The following CD226 variants were observed in gnomAD, a reference collection of about 807,000 sequenced individuals.
The protein encoded by CD226 is CD226 molecule, also known as CD226 antigen.
CD226 carries 24 observed loss-of-function variants against 34.9 expected under a neutral mutation model. That is an observed-to-expected ratio of 0.69 (90% CI 0.50 to 0.97). The LOEUF (loss-of-function observed/expected upper bound fraction) is 0.97, where lower values mean the gene tolerates loss of function less well. CD226 is among the 50% of genes least tolerant of loss of function. CD226 has a pLI of 0.00. For missense variants in CD226, 397 were observed against 412.7 expected (o/e 0.96, Z 0.33); for synonymous variants, 148 against 147.4 (o/e 1.00, Z -0.03).
At chr18:69,925,913 C>T (rs747711611) in intron 2 of CD226, among the ~76,000 whole-genome samples, 5 of 152,122 alleles carry the variant, frequency 3.3e-5, no homozygotes, top group Admixed American at 6.5e-5. Context: ...GAGGCCGAGG[C>T]GGGCAGACCA....
chr18:69,869,799 C>CTTTTTTTTT (rs1002754140), intron 4 of CD226, among the ~76,000 whole-genome samples: 571 of 121,428 alleles, frequency 4.7e-3, no homozygotes, highest in Non-Finnish European at 5.9e-3. Context: ...TCTTTTTTTT[C>CTTTTTTTTT]TTTTTTTTTT....
At chr18:69,909,098 T>C (rs2055292416) in intron 2 of CD226, among the ~76,000 whole-genome samples, 1 of 152,212 alleles carries the variant, frequency 6.6e-6, no homozygotes, top group South Asian at 2.1e-4. Flanking sequence ...TGTTGTTTTT[T>C]ATTTGTTGTC....
At chr18:69,867,438 T>TA (rs1568155122) in intron 4 of CD226, 27 bp from the exon 5 acceptor site, 1 of 1,393,466 alleles carries the variant, frequency 7.2e-7, no homozygotes, top group Non-Finnish European at 1.0e-6. Context: ...ATAAAGGATA[T>TA]AAAGATATGA....
upstream of CD226, among the ~76,000 whole-genome samples, chr18:69,958,409 G>A (rs2055912995): frequency 6.6e-6 from 1 of 152,126 alleles, no homozygotes; most frequent in Non-Finnish European, 1.5e-5. Flanking sequence ...CGTTGGGGCT[G>A]CTTTTTTGCC....
intron 3 of CD226, among the ~76,000 whole-genome samples, chr18:69,891,627 A>C (rs2145231573): frequency 6.6e-6 from 1 of 152,352 alleles, no homozygotes; most frequent in East Asian, 1.9e-4. Flanking sequence ...CTAATAAATG[A>C]ATTCAGTTAA....
At chr18:69,930,030 C>A (rs2055570390) in intron 2 of CD226, among the ~76,000 whole-genome samples, 1 of 152,074 alleles carries the variant, frequency 6.6e-6, no homozygotes, top group Non-Finnish European at 1.5e-5. Context: ...TGAGCACGGG[C>A]AACTACAAAC....
At chr18:69,888,229 T>G (rs1026365895) in intron 3 of CD226, among the ~76,000 whole-genome samples, 1 of 152,166 alleles carries the variant, frequency 6.6e-6, no homozygotes, top group Non-Finnish European at 1.5e-5. Flanking sequence ...AAATCTTTGA[T>G]CAATCATTTA....
chr18:69,892,573 A>G (rs1358474027), intron 3 of CD226, among the ~76,000 whole-genome samples: 1 of 152,232 alleles, frequency 6.6e-6, no homozygotes, highest in African/African-American at 2.4e-5. Context: ...TTCACTCAGC[A>G]AAGAAAGTCA....
upstream of CD226, among the ~76,000 whole-genome samples, chr18:69,959,129 A>C (rs147404774): frequency 6.9e-4 from 105 of 152,328 alleles, no homozygotes; most frequent in Admixed American, 1.7e-3. Flanking sequence ...TTTACTCAGC[A>C]AACAGGGGAA....
rs145529241 is a variant in CD226 at position 69,946,101 on chromosome 18, T to G, written c.382+633A>C. ...TGCGGGGCTGAGGTAGGAGAATCGC[T>G]TGAGCCCAGGAGCTGGAGGTTGCAG... On this transcript the variant is annotated intron_variant, in intron 2 of 5. Coordinates refer to ENST00000582621, the MANE Select transcript of CD226 (RefSeq NM_001303618.2). 1.6e-4 allele frequency among the ~76,000 whole-genome samples: 23 copies of G among 143,636 alleles called. No homozygotes were observed. In the East Asian group the frequency reaches 4.5e-3, roughly 28 times the overall value. 94.2% of individuals were successfully genotyped at this position (143,636 alleles called of 152,430 possible).
intron 1 of CD226, among the ~76,000 whole-genome samples, chr18:69,953,316 T>C (rs1045928301): frequency 1.5e-4 from 23 of 152,214 alleles, no homozygotes; most frequent in Admixed American, 1.2e-3. Flanking sequence ...GATCCAAGCG[T>C]CTGCCAACAG....
intron 2 of CD226, among the ~76,000 whole-genome samples, chr18:69,898,010 G>A (rs1424674953): frequency 6.6e-6 from 1 of 151,566 alleles, no homozygotes; most frequent in Admixed American, 6.6e-5. Flanking sequence ...CACAAGAAAA[G>A]GGGAAGAAAG....
chr18:69,912,866 T>C (rs966424662), intron 2 of CD226, among the ~76,000 whole-genome samples: 27 of 151,854 alleles, frequency 1.8e-4, no homozygotes, highest in Non-Finnish European at 7.4e-5. Flanking sequence ...TAATCACTTG[T>C]AACAAATGGG....
At chr18:69,881,158 T>C (rs965762251) in intron 3 of CD226, among the ~76,000 whole-genome samples, 2 of 152,228 alleles carry the variant, frequency 1.3e-5, no homozygotes, top group African/African-American at 4.8e-5. Flanking sequence ...CAAATATTAT[T>C]TGTCAACTAA....
At chr18:69,889,640 A>C (rs1226051707) in intron 3 of CD226, among the ~76,000 whole-genome samples, 7 of 152,248 alleles carry the variant, frequency 4.6e-5, no homozygotes, top group African/African-American at 1.4e-4. Flanking sequence ...AATCCAACTC[A>C]GGAGCACAGA....
At chr18:69,954,283 C>CGAG (rs1156518770) in intron 1 of CD226, among the ~76,000 whole-genome samples, 1 of 152,220 alleles carries the variant, frequency 6.6e-6, no homozygotes, top group African/African-American at 2.4e-5. Flanking sequence ...CAGACACACT[C>CGAG]TGTCACAACT....
In CD226 at chr18:69,864,368, C is replaced by G. The variant is rs745722083; in HGVS notation, c.957G>C (p.Glu319Asp). 6.2e-7 allele frequency: 1 copy of G among 1,613,482 alleles called. No individual in the cohort carries two copies. Among genetic ancestry groups the G allele is most frequent in the Non-Finnish European group, 8.5e-7 (1 of 1,179,574 alleles). ...PTNQSMDDTR[E>D]DIYVNYPTFS... ...AGGTTGGATAGTTGACATAAATATC[C>G]TCTCTTGTATCATCCATGGATTGAT... Residue 319 changes from glutamate to aspartate, a missense_variant, in exon 6 of 6, where the codon GAG becomes GAC. Physicochemically the swap from Glu to Asp is conservative, Grantham distance 45. Coordinates refer to ENST00000582621, the MANE Select transcript of CD226 (RefSeq NM_001303618.2).
chr18:69,909,331 C>T (rs1210559306), intron 2 of CD226, among the ~76,000 whole-genome samples: 1 of 152,164 alleles, frequency 6.6e-6, no homozygotes, highest in Non-Finnish European at 1.5e-5. Context: ...GTTTGGGTCT[C>T]CATTCCCACT....
chr18:69,933,046 G>A (rs918934570), intron 2 of CD226, among the ~76,000 whole-genome samples: 1 of 152,202 alleles, frequency 6.6e-6, no homozygotes, highest in African/African-American at 2.4e-5. Context: ...TGGAAAGACT[G>A]CTCTGGTGGG....
Sources: gnomAD v4.1 joint callset for allele counts (sites outside exome capture counted in the v4.1 genomes callset) on GRCh38, gnomAD v4.1.1 for gene constraint, MANE v1.5 for transcripts, NCBI Gene and HGNC (gene_info 2026-07-23, HGNC 2026-07-21) for gene names.